The following ANKFN1 variants were observed in gnomAD, a reference collection of about 807,000 sequenced individuals.
The protein encoded by ANKFN1 is ankyrin repeat and fibronectin type III domain containing 1.
ANKFN1 carries 74 observed loss-of-function variants against 108.7 expected under a neutral mutation model. That is an observed-to-expected ratio of 0.68 (90% CI 0.56 to 0.83). The LOEUF (loss-of-function observed/expected upper bound fraction) is 0.83. ANKFN1 is among the 40% of genes least tolerant of loss of function. ANKFN1 has a pLI of 0.00. For missense variants in ANKFN1, 1,505 were observed against 1,382.3 expected (o/e 1.09, Z -1.41); for synonymous variants, 547 against 516.2 (o/e 1.06, Z -0.81).
chr17:56,101,141 G>C (rs1905639887), intron 4 of ANKFN1, among the ~76,000 whole-genome samples: 1 of 152,100 alleles, frequency 6.6e-6, no homozygotes. Flanking sequence ...CAAGACCCTA[G>C]ATCTTCCAGA....
intron 14 of ANKFN1, among the ~76,000 whole-genome samples, chr17:56,461,421 C>G (rs2049897997): frequency 6.6e-6 from 1 of 152,182 alleles, no homozygotes; most frequent in African/African-American, 2.4e-5. Flanking sequence ...TCCACAATTT[C>G]ACACTGTTCC....
intron 4 of ANKFN1, among the ~76,000 whole-genome samples, chr17:56,112,100 T>C: frequency 6.6e-6 from 1 of 152,244 alleles, no homozygotes; most frequent in East Asian, 1.9e-4. Context: ...GTTATAGTGA[T>C]ATAAAAATTA....
intron 8 of ANKFN1, among the ~76,000 whole-genome samples, chr17:56,431,332 A>G (rs547752083): frequency 1.3e-5 from 2 of 152,354 alleles, no homozygotes; most frequent in South Asian, 4.1e-4. Context: ...ATGAGAAATA[A>G]TGATGACATT....
At chr17:56,447,408 A>G in intron 10 of ANKFN1, among the ~76,000 whole-genome samples, 1 of 152,160 alleles carries the variant, frequency 6.6e-6, no homozygotes, top group Non-Finnish European at 1.5e-5. Flanking sequence ...CAAGCTTCTG[A>G]CCTTCCTTCC....
chr17:56,399,552 T>G (rs929879618), intron 8 of ANKFN1, among the ~76,000 whole-genome samples: 1 of 151,950 alleles, frequency 6.6e-6, no homozygotes, highest in African/African-American at 2.4e-5. Context: ...TCTTTAGTGA[T>G]TTGTGAGATT....
intron 4 of ANKFN1, among the ~76,000 whole-genome samples, chr17:56,061,075 G>C (rs1347753611): frequency 2.0e-5 from 3 of 151,928 alleles, no homozygotes; most frequent in African/African-American, 7.3e-5. Flanking sequence ...GGCTTTTTTT[G>C]GTTGGTAGGC....
At chr17:56,290,797 G>T (rs187543528) in intron 3 of ANKFN1, among the ~76,000 whole-genome samples, 33 of 152,082 alleles carry the variant, frequency 2.2e-4, no homozygotes, top group African/African-American at 7.7e-4. Context: ...AATTTTTATT[G>T]ATTTGCAGAT....
intron 4 of ANKFN1, among the ~76,000 whole-genome samples, chr17:56,134,180 G>C (rs564955983): frequency 6.6e-4 from 101 of 152,240 alleles, no homozygotes; most frequent in African/African-American, 2.3e-3. Flanking sequence ...GAACAGGCAG[G>C]TGGGAGAGAT....
intron 1 of ANKFN1, among the ~76,000 whole-genome samples, chr17:56,175,049 A>G (rs181860923): frequency 6.6e-6 from 1 of 152,232 alleles, no homozygotes; most frequent in Non-Finnish European, 1.5e-5. Context: ...GTAATACAGG[A>G]AAAAAACCTA....
chr17:56,090,077 G>A (rs562718492), intron 4 of ANKFN1, among the ~76,000 whole-genome samples: 1 of 151,444 alleles, frequency 6.6e-6, no homozygotes, highest in East Asian at 1.9e-4. Flanking sequence ...GGGCTGCGAG[G>A]GAAGAACTGT....
intron 6 of ANKFN1, among the ~76,000 whole-genome samples, chr17:56,357,720 C>A (rs1748702012): frequency 6.6e-6 from 1 of 152,096 alleles, no homozygotes; most frequent in African/African-American, 2.4e-5. Context: ...AACCAGTCTG[C>A]CAGCCAGAAC....
chr17:56,281,825 CT>C (rs1209769887), intron 3 of ANKFN1, among the ~76,000 whole-genome samples: 2 of 152,110 alleles, frequency 1.3e-5, no homozygotes, highest in Non-Finnish European at 2.9e-5. Flanking sequence ...GCTAAAAATA[CT>C]GACAATACCA....
chr17:56,482,169 T>C (rs2050729210), intron 17 of ANKFN1, among the ~76,000 whole-genome samples, 187 bp from the exon 18 acceptor site: 1 of 152,346 alleles, frequency 6.6e-6, no homozygotes, highest in East Asian at 1.9e-4. Context: ...ATGTGGAACA[T>C]TACTGCCTTA....
Position 56,420,853 on chromosome 17 carries a change from G to A in ANKFN1, c.911-19474G>A, listed in dbSNP as rs916494572. 2.6e-5 allele frequency among the ~76,000 whole-genome samples: 4 copies of A among 151,960 alleles called. No individual in the cohort carries two copies. In the South Asian group the frequency reaches 8.3e-4, roughly 32 times the overall value. On this transcript the variant is annotated intron_variant, in intron 8 of 20. Coordinates refer to ENST00000682825, the MANE Select transcript of ANKFN1 (RefSeq NM_001370326.1). ...CTCCCAAGTAGCTGGGACTACAGGC[G>A]CCCGCCACCGCGCCCGGCTAATTTT...
At chr17:56,292,528 G>A (rs1375772600) in intron 3 of ANKFN1, among the ~76,000 whole-genome samples, 2 of 152,140 alleles carry the variant, frequency 1.3e-5, no homozygotes, top group Non-Finnish European at 2.9e-5. Context: ...GGGTCTCCAG[G>A]TGGTCCTACG....
rs539297226 is a variant in ANKFN1, at chr17:56,228,183, C to G, written c.53+226C>G. 3.0e-5 allele frequency: 14 copies of G among 460,086 alleles called. No individual in the cohort carries two copies. The East Asian group carries it at 5.2e-4, about 17-fold the overall frequency. The allele number at this position is 460,086 out of a possible 1,614,324, so 28.5% of individuals were successfully genotyped here. A position where few individuals can be genotyped will look rare whatever the true frequency, so the allele number is the denominator to read the frequency against. The stretch of plus-strand genomic sequence containing the variant: ...AATTGTGGTTGTGACAATATTACGT[C>G]TAAAGGTAGATAAAAGTGAGGAGTA... On this transcript the variant is annotated intron_variant, in intron 3 of 20. Transcript: ENST00000682825.
chr17:56,456,545 G>A (rs1303165628), intron 11 of ANKFN1, among the ~76,000 whole-genome samples: 1 of 151,546 alleles, frequency 6.6e-6, no homozygotes, highest in African/African-American at 2.4e-5. Flanking sequence ...CTACAGACGT[G>A]CGCCACCACA....
chr17:56,202,527 G>A (rs1914152382), intron 1 of ANKFN1, among the ~76,000 whole-genome samples: 1 of 152,142 alleles, frequency 6.6e-6, no homozygotes, highest in Admixed American at 6.5e-5. Flanking sequence ...ATTAACCTAT[G>A]TATGATGAAC....
intron 8 of ANKFN1, among the ~76,000 whole-genome samples, chr17:56,405,913 G>A (rs1451915273): frequency 6.6e-6 from 1 of 152,144 alleles, no homozygotes; most frequent in Admixed American, 6.6e-5. Context: ...TCTATGGTGG[G>A]AGGGAAAATC....
Sources: gnomAD v4.1 joint callset for allele counts (sites outside exome capture counted in the v4.1 genomes callset) on GRCh38, gnomAD v4.1.1 for gene constraint, MANE v1.5 for transcripts, NCBI Gene and HGNC (gene_info 2026-07-23, HGNC 2026-07-21) for gene names.